Variants in ZSCAN4 observed in about 807,000 individuals in gnomAD.
The protein encoded by ZSCAN4 is zinc finger and SCAN domain-containing protein 4.
A neutral mutation model predicts 18.3 loss-of-function variants in ZSCAN4; 18 were observed. The ratio of observed to expected loss-of-function variants is 0.98; its 90% confidence interval spans 0.68 to 1.46. The LOEUF (loss-of-function observed/expected upper bound fraction) is 1.46. Among genes scored for constraint, ZSCAN4 ranks in the 40% most tolerant of loss-of-function variants. The pLI, the probability that ZSCAN4 is intolerant of heterozygous loss-of-function variation, is 0.00. For synonymous variants in ZSCAN4, 193 were observed against 180.3 expected, an observed-to-expected ratio of 1.07 and a Z score of -0.57; for missense variants, 498 against 511.4, an observed-to-expected ratio of 0.97 and a Z score of 0.25.
At chr19:57,677,827 G>T in intron 3 of ZSCAN4, 87 bp from the exon 4 acceptor site, 2 of 1,309,718 alleles carry the variant, frequency 1.5e-6, no homozygotes, top group Non-Finnish European at 2.1e-6. Flanking sequence ...GAGGGAGCTT[G>T]TGAGAGCCTG....
At chr19:57,665,548 A>G (rs1983830332), upstream of ZSCAN4, among the ~76,000 whole-genome samples, 1 of 152,152 alleles carries the variant, frequency 6.6e-6, no homozygotes, top group South Asian at 2.1e-4. Context: ...CACTGACATC[A>G]GTCTGCACCT....
At chr19:57,653,390 GAAA>G in the ZSCAN4 span, among the ~76,000 whole-genome samples, 40 of 76,486 alleles carry the variant, frequency 5.2e-4, no homozygotes, top group African/African-American at 1.4e-3. Flanking sequence ...CCATCTCAAA[GAAA>G]AAAAAAAAAA....
At chr19:57,672,683 A>AC (rs1984058090) in intron 2 of ZSCAN4, among the ~76,000 whole-genome samples, 1 of 151,022 alleles carries the variant, frequency 6.6e-6, no homozygotes, top group Non-Finnish European at 1.5e-5. Context: ...GTTCACTACA[A>AC]CCCCCACCTC....
chr19:57,672,746 G>A (rs1984060181), intron 2 of ZSCAN4, among the ~76,000 whole-genome samples: 1 of 151,948 alleles, frequency 6.6e-6, no homozygotes, highest in Non-Finnish European at 1.5e-5. Flanking sequence ...GGGATTACCG[G>A]TGCATGCCAC....
chr19:57,676,901 C>T (rs1484360492), intron 3 of ZSCAN4, among the ~76,000 whole-genome samples: 1 of 152,170 alleles, frequency 6.6e-6, no homozygotes, highest in Admixed American at 6.5e-5. Flanking sequence ...GGCTCAGCCT[C>T]CAGAGTAGCT....
intron 2 of ZSCAN4, among the ~76,000 whole-genome samples, chr19:57,675,042 C>A (rs1406856234): frequency 6.7e-6 from 1 of 149,832 alleles, no homozygotes; most frequent in East Asian, 2.0e-4. Flanking sequence ...GCCACGCCCA[C>A]TTCCCGGGTT....
rs781646281 is a variant in ZSCAN4 at position 57,678,495 on chromosome 19, T to A, written c.892T>A (p.Cys298Ser). 2.5e-6 allele frequency: 4 copies of A among 1,614,034 alleles called. No homozygotes were observed. The Admixed American group carries it at 5.0e-5, about 20-fold the overall frequency. The change falls in exon 5 of 5, where the codon TGT becomes AGT. Residue 298 changes from cysteine to serine, a missense_variant. Coordinates refer to ENST00000318203, the Ensembl canonical transcript of ZSCAN4. ...CCAGAGCAATGAGGGAAATTCCACA[T>A]GTGAGGTACATCAGAAAGGATCCCA...
At chr19:57,654,077 T>C in the ZSCAN4 span, among the ~76,000 whole-genome samples, 3 of 152,224 alleles carry the variant, frequency 2.0e-5, no homozygotes, top group Non-Finnish European at 4.4e-5. Context: ...TACTCAGTTC[T>C]ACCAGAATAT....
intron 1 of ZSCAN4, among the ~76,000 whole-genome samples, 195 bp from the exon 2 acceptor site, chr19:57,670,050 C>T (rs557145675): frequency 1.3e-5 from 2 of 151,570 alleles, no homozygotes; most frequent in South Asian, 4.2e-4. Context: ...TTACAGGTGC[C>T]CACCACCATG....
chr19:57,657,945 T>C, the ZSCAN4 span, among the ~76,000 whole-genome samples: 2 of 152,158 alleles, frequency 1.3e-5, no homozygotes, highest in African/African-American at 4.8e-5. Context: ...CCAAAAAAGG[T>C]CTGTGCATGT....
At chr19:57,678,232 C>T in exon 5 of ZSCAN4, 1 of 1,614,110 alleles carries the variant, frequency 6.2e-7, no homozygotes, top group South Asian at 1.1e-5. Context: ...GAAAATATTA[C>T]TAATCAAGGC....
chr19:57,673,500 T>C (rs1265389685), intron 2 of ZSCAN4, among the ~76,000 whole-genome samples: 1 of 151,968 alleles, frequency 6.6e-6, no homozygotes, highest in Non-Finnish European at 1.5e-5. Context: ...CTGAGTGTGG[T>C]GCGTGCCTGT....
At chr19:57,678,989 A>C in exon 5 of ZSCAN4, 1 of 1,379,386 alleles carries the variant, frequency 7.2e-7, no homozygotes, top group Non-Finnish European at 9.5e-7. Context: ...ATAAGATATA[A>C]TCTCCTGATT....
upstream of ZSCAN4, among the ~76,000 whole-genome samples, chr19:57,665,534 A>G (rs10414449): frequency 0.041 from 6,214 of 152,238 alleles, 418 homozygotes; most frequent in African/African-American, 0.14. Flanking sequence ...CCAGCAGACA[A>G]GTTCACTGAC....
At chr19:57,656,389 C>T in the ZSCAN4 span, among the ~76,000 whole-genome samples, 5 of 152,190 alleles carry the variant, frequency 3.3e-5, no homozygotes, top group Non-Finnish European at 7.3e-5. Context: ...CTCATCCTGC[C>T]CAAATCTCAA....
the ZSCAN4 span, among the ~76,000 whole-genome samples, chr19:57,655,626 C>T: frequency 1.9e-4 from 29 of 152,108 alleles, no homozygotes; most frequent in Admixed American, 1.9e-3. Flanking sequence ...TTGCTCCCTT[C>T]TTTCCCTCCT....
upstream of ZSCAN4, among the ~76,000 whole-genome samples, chr19:57,668,639 G>A (rs1238018866): frequency 1.3e-5 from 2 of 152,160 alleles, no homozygotes; most frequent in African/African-American, 4.8e-5. Context: ...GTGGAAAGTG[G>A]GGAGGGAGAG....
chr19:57,664,296 G>A (rs907897177), upstream of ZSCAN4: 19 of 153,106 alleles, frequency 1.2e-4, no homozygotes, highest in Non-Finnish European at 2.6e-4. Flanking sequence ...CAGCTGCGGG[G>A]CTCGGTGGAC....
the ZSCAN4 span, among the ~76,000 whole-genome samples, chr19:57,659,463 A>C: frequency 1.3e-5 from 2 of 152,176 alleles, no homozygotes; most frequent in African/African-American, 4.8e-5. Flanking sequence ...CACAGCTAAC[A>C]GCAGCCTCGA....
Sources: allele counts gnomAD v4.1 joint callset (sites outside exome capture counted in the v4.1 genomes callset), GRCh38; gene constraint gnomAD v4.1.1; transcripts MANE v1.5; gene names NCBI Gene and HGNC (gene_info 2026-07-23, HGNC 2026-07-21).